Variants in PLB1 observed in about 807,000 individuals in gnomAD.
The protein encoded by PLB1 is phospholipase B1, membrane-associated.
PLB1 carries 242 observed loss-of-function variants against 227.4 expected under a neutral mutation model. That is an observed-to-expected ratio of 1.06 (90% CI 0.96 to 1.18). The LOEUF is 1.18. PLB1 is among the 50% of genes most tolerant of loss of function. PLB1 has a pLI of 0.00. For missense variants in PLB1, 1,858 were observed against 1,816.3 expected (o/e 1.02, Z -0.42); for synonymous variants, 757 against 682.2 (o/e 1.11, Z -1.71).
chr2:28,601,149 C>T lies in PLB1; in HGVS notation c.2527-103C>T. The T allele has an allele frequency of 5.1e-6, 5 of 981,804 alleles. No individual in the cohort carries two copies. In the South Asian group the frequency reaches 7.0e-5, roughly 14 times the overall value. 60.8% of individuals were successfully genotyped at this position (981,804 alleles called of 1,614,324 possible). ...TTCAGAGATGCTGATTCCATTATTT[C>T]AAGTGGGCAAGGATGTTATAGAGGG... On this transcript the variant is annotated intron_variant, in intron 36 of 57. Coordinates refer to ENST00000327757, the MANE Select transcript of PLB1 (RefSeq NM_153021.5).
chr2:28,590,049 C>G lies in PLB1; in HGVS notation c.2061C>G (p.Asn687Lys), dbSNP rs75873652. 1.2e-6 allele frequency: 2 copies of G among 1,613,516 alleles called. No homozygotes were observed. The highest frequency in any genetic ancestry group is 2.2e-5 in the East Asian group (1 of 44,884). ...AGACGACTCGTCATAAGTTTGAAAA[C>G]AAGATCAATATCACATGTCCGAACC... The part of the protein sequence containing the change: ...GQKTTRHKFE[N>K]KINITCPNQV... The change falls in exon 29 of 58, where the codon AAC (asparagine) becomes AAG (lysine). Residue 687 changes from asparagine to lysine, a missense_variant. Asn to Lys is a moderately conservative substitution (Grantham distance 94, BLOSUM62 0). Coordinates refer to ENST00000327757, the MANE Select transcript of PLB1 (RefSeq NM_153021.5).
chr2:28,525,095 C>G (rs13384071), intron 4 of PLB1, among the ~76,000 whole-genome samples, 172 bp from the exon 5 acceptor site: 1 of 152,084 alleles, frequency 6.6e-6, no homozygotes, highest in African/African-American at 2.4e-5. Flanking sequence ...GTGATCCTCC[C>G]TGTGCTCAGC....
Position 28,592,652 on chromosome 2 carries a change from T to A in PLB1, c.2189-9T>A, listed in dbSNP as rs781685894. ...CTGCAGCCCTAAGTGTGTCCACTTG[T>A]CTTTCCAGTGCATGCCCTGAGACCT... On this transcript the variant is annotated splice_polypyrimidine_tract_variant and intron_variant, in intron 31 of 57. Coordinates refer to ENST00000327757, the MANE Select transcript of PLB1 (RefSeq NM_153021.5). The A allele has an allele frequency of 2.5e-6, 4 of 1,614,200 alleles. No individual in the cohort carries two copies. Among genetic ancestry groups the A allele is most frequent in the Admixed American group, 1.7e-5 (1 of 60,028 alleles).
chr2:28,535,191 GCCT>G (rs1361782005), intron 9 of PLB1, among the ~76,000 whole-genome samples: 1 of 152,222 alleles, frequency 6.6e-6, no homozygotes, highest in Admixed American at 6.5e-5. Flanking sequence ...AAGTAATCAT[GCCT>G]CCTCATTTTT....
chr2:28,525,963 C>T lies in PLB1; in HGVS notation c.325+18C>T, dbSNP rs781027407. ...GATGACAGGTGAGTTGTGGTTTTCA[C>T]GGCCAGATTTCAGAGTGCCCCTCTC... On this transcript the variant is annotated intron_variant, in intron 6 of 57. Coordinates refer to ENST00000327757, the MANE Select transcript of PLB1 (RefSeq NM_153021.5). The T allele has an allele frequency of 6.2e-6, 10 of 1,613,712 alleles. No individual in the cohort carries two copies. Among genetic ancestry groups the T allele is most frequent in the South Asian group, 2.2e-5 (2 of 91,058 alleles).
At chr2:28,502,211 T>G (rs1321255633) in intron 1 of PLB1, among the ~76,000 whole-genome samples, 1 of 152,198 alleles carries the variant, frequency 6.6e-6, no homozygotes, top group African/African-American at 2.4e-5. Context: ...ACATTTTAGT[T>G]TATCTTATTA....
At position 28,538,309 on chromosome 2, in the gene PLB1, CCT is replaced by C. The variant is rs745920029; in HGVS notation, c.556-6_556-5del. 10 of 1,614,114 alleles carry C rather than the reference CCT, an allele frequency of 6.2e-6. No individual in the cohort carries two copies. The highest frequency in any genetic ancestry group is 7.6e-6 in the Non-Finnish European group (9 of 1,180,010). Reference sequence around the variant, plus strand: ...AGGCACCCTCACTTAGCACGGTTCTCCTCTCACAGAATGGGCTTGCGGCGGGC... The same window carrying C: ...AGGCACCCTCACTTAGCACGGTTCTCCTCACAGAATGGGCTTGCGGCGGGC... On this transcript the variant is annotated splice_polypyrimidine_tract_variant and splice_region_variant and intron_variant, in intron 9 of 57. Transcript: ENST00000327757.
chr2:28,557,737 T>A (rs1317631898), intron 17 of PLB1, among the ~76,000 whole-genome samples: 2 of 152,216 alleles, frequency 1.3e-5, no homozygotes, highest in African/African-American at 4.8e-5. Context: ...AGATAATGTT[T>A]AGCTAATCAG....
At position 28,592,668 on chromosome 2, in the gene PLB1, C is replaced by T. The variant is rs773489941; in HGVS notation, c.2196C>T (p.Ala732=). 2 of 1,614,134 alleles carry T rather than the reference C, an allele frequency of 1.2e-6. No individual in the cohort carries two copies. The highest frequency in any genetic ancestry group is 8.5e-7 in the Non-Finnish European group (1 of 1,180,018). ...PSALHPTSVH[A]LRPADIQVVA... ...GTCCACTTGTCTTTCCAGTGCATGC[C>T]CTGAGACCTGCAGACATCCAAGTTG... Residue 732 remains alanine (A), a synonymous_variant, in exon 32 of 58, where the codon GCC becomes GCT. Transcript: ENST00000327757.
At chr2:28,515,360 C>A (rs1338368640) in intron 1 of PLB1, among the ~76,000 whole-genome samples, 1 of 152,154 alleles carries the variant, frequency 6.6e-6, no homozygotes, top group Non-Finnish European at 1.5e-5. Flanking sequence ...TCCCCCCTGC[C>A]CACCACTTCC....
intron 46 of PLB1, among the ~76,000 whole-genome samples, chr2:28,618,800 C>T (rs989927104): frequency 2.0e-5 from 3 of 152,184 alleles, no homozygotes; most frequent in Non-Finnish European, 2.9e-5. Flanking sequence ...CATTTAAGGA[C>T]ATGTGCTTTG....
intron 14 of PLB1, among the ~76,000 whole-genome samples, chr2:28,547,399 C>A (rs748430787): frequency 3.9e-5 from 6 of 152,152 alleles, no homozygotes; most frequent in Non-Finnish European, 8.8e-5. Flanking sequence ...TCTCCTAGGC[C>A]TTGAGCTAGA....
intron 56 of PLB1, among the ~76,000 whole-genome samples, chr2:28,634,484 G>C (rs1475739177): frequency 1.3e-5 from 2 of 152,108 alleles, no homozygotes; most frequent in African/African-American, 4.8e-5. Flanking sequence ...TCAAGGTATG[G>C]CCTTCCTACC....
At chr2:28,545,071 C>G (rs1195901764) in intron 14 of PLB1, among the ~76,000 whole-genome samples, 1 of 152,176 alleles carries the variant, frequency 6.6e-6, no homozygotes, top group Non-Finnish European at 1.5e-5. Context: ...CACGTACGGT[C>G]TCTTAAAACT....
chr2:28,497,769 A>G (rs1402057370), intron 1 of PLB1, among the ~76,000 whole-genome samples: 1 of 150,024 alleles, frequency 6.7e-6, no homozygotes, highest in African/African-American at 2.5e-5. Flanking sequence ...CCCAGGCTGG[A>G]GTGCAGTGGC....
intron 1 of PLB1, among the ~76,000 whole-genome samples, chr2:28,502,504 A>T (rs1322744186): frequency 6.6e-6 from 1 of 152,134 alleles, no homozygotes; most frequent in Non-Finnish European, 1.5e-5. Context: ...TAGATCTATT[A>T]TGTTGAGTTA....
At position 28,620,968 on chromosome 2, in the gene PLB1, G is replaced by A. The variant is rs751272365; in HGVS notation, c.3517G>A (p.Ala1173Thr). 6.8e-6 allele frequency: 11 copies of A among 1,611,640 alleles called. No individual in the cohort carries two copies. The highest frequency in any genetic ancestry group is 9.3e-6 in the Non-Finnish European group (11 of 1,178,472). Reference sequence around the variant, plus strand: ...AGGACTAAATGTGGCAGCGGAAGGGGCCAGAGCTAGGTGAGTAGATGCCGT... The same window carrying A: ...AGGACTAAATGTGGCAGCGGAAGGGACCAGAGCTAGGTGAGTAGATGCCGT... ...TAGLNVAAEG[A>T]RARDMPAQAW... The change falls in exon 49 of 58, where the codon GCC (alanine) becomes ACC (threonine). Residue 1173 changes from alanine (A) to threonine (T), a missense_variant. Transcript: ENST00000327757.
intron 46 of PLB1, among the ~76,000 whole-genome samples, chr2:28,619,049 T>C (rs1263480659): frequency 6.6e-6 from 1 of 152,224 alleles, no homozygotes; most frequent in Non-Finnish European, 1.5e-5. Context: ...TTTATTTTTA[T>C]TTTTTAACTT....
rs563315025 is a variant in PLB1 at position 28,579,763 on chromosome 2, C to G, written c.1566+56C>G. 482 of 1,443,238 alleles carry G rather than the reference C, an allele frequency of 3.3e-4. 5 individuals are homozygous for G. The East Asian group carries it at 0.011, about 32-fold the overall frequency. The allele number at this position is 1,443,238 out of a possible 1,614,324, so 89.4% of individuals were successfully genotyped here. A position where few individuals can be genotyped will look rare whatever the true frequency, so the allele number is the denominator to read the frequency against. Reference sequence around the variant, plus strand: ...ACCCCCAGAGAAGGATTTTCACAGCCCGGTCACTTGCTCTGCCCGGGAGGA... The same window carrying G: ...ACCCCCAGAGAAGGATTTTCACAGCGCGGTCACTTGCTCTGCCCGGGAGGA... On this transcript the variant is annotated intron_variant, in intron 23 of 57. Transcript: ENST00000327757.
Sources: allele counts gnomAD v4.1 joint callset (sites outside exome capture counted in the v4.1 genomes callset), GRCh38; gene constraint gnomAD v4.1.1; transcripts MANE v1.5; gene names NCBI Gene and HGNC (gene_info 2026-07-23, HGNC 2026-07-21).